PRDM16: variants seen among roughly 807,000 people sequenced by gnomAD.
PRDM16 encodes PR/SET domain 16, also known as histone-lysine N-methyltransferase PRDM16.
PRDM16 carries 23 observed loss-of-function variants against 110.6 expected under a neutral mutation model. The ratio of observed to expected loss-of-function variants is 0.21; its 90% CI spans 0.15 to 0.29. The LOEUF (loss-of-function observed/expected upper bound fraction) is 0.29. Among genes scored for constraint, PRDM16 ranks in the 10% least tolerant of loss-of-function variants. PRDM16 has a pLI of 1.00. For missense variants in PRDM16, 1,615 were observed against 1,794.3 expected (o/e 0.90, Z 1.81); for synonymous variants, 799 against 781.8 (o/e 1.02, Z -0.37).
At chr1:3,146,912 G>A (rs1643676863) in intron 1 of PRDM16, among the ~76,000 whole-genome samples, 2 of 48,954 alleles carry the variant, frequency 4.1e-5, no homozygotes, top group African/African-American at 3.2e-4. Context: ...TGTGCTCAGT[G>A]TGGGGGGGTG....
Position 3,186,347 on chromosome 1 carries a change from G to T in PRDM16, c.260G>T (p.Arg87Leu), listed in dbSNP as rs764659440. The stretch of plus-strand genomic sequence containing the variant: ...CCGATCCCAGCAGACTTCGAGCTCC[G>T]AGAGTCCTCCATCCCAGGGGCTGGC... ...DIPIPADFEL[R>L]ESSIPGAGLG... Residue 87 changes from arginine (R) to leucine (L), a missense_variant, in exon 2 of 17, where the codon CGA becomes CTA. By Grantham distance (102) the Arg-to-Leu change is moderately radical. Transcript: ENST00000270722. The T allele has an allele frequency of 2.5e-6, 4 of 1,612,232 alleles. No homozygotes were observed. In the African/African-American group the frequency reaches 5.3e-5, roughly 22 times the overall value.
intron 2 of PRDM16, among the ~76,000 whole-genome samples, chr1:3,240,108 G>GGAGAA (rs1183893816): frequency 1.4e-5 from 2 of 141,254 alleles, no homozygotes; most frequent in South Asian, 2.3e-4. Flanking sequence ...GAGGAGAGGA[G>GGAGAA]GAGAAGAGAA....
chr1:3,226,186 G>A (rs796238129), intron 2 of PRDM16, among the ~76,000 whole-genome samples: 25 of 152,340 alleles, frequency 1.6e-4, no homozygotes, highest in African/African-American at 6.0e-4. Context: ...GCTAAGAGCT[G>A]CCAAGAAGCA....
At chr1:3,128,923 C>T (rs924945832) in intron 1 of PRDM16, among the ~76,000 whole-genome samples, 1 of 152,206 alleles carries the variant, frequency 6.6e-6, no homozygotes, top group Non-Finnish European at 1.5e-5. Flanking sequence ...CAGCCGTGGC[C>T]GGCAGCCTTG....
intron 14 of PRDM16, among the ~76,000 whole-genome samples, chr1:3,428,221 G>A (rs1206099439): frequency 1.4e-5 from 2 of 147,652 alleles, no homozygotes; most frequent in African/African-American, 2.6e-5. Flanking sequence ...CAGCCCGGCC[G>A]CACTGCAGGA....
At chr1:3,334,844 C>T (rs1294320193) in intron 3 of PRDM16, among the ~76,000 whole-genome samples, 2 of 152,252 alleles carry the variant, frequency 1.3e-5, no homozygotes, top group Non-Finnish European at 2.9e-5. Flanking sequence ...GCACTGCAGG[C>T]ATTTTTAATC....
At chr1:3,122,572 C>T (rs1235306332) in intron 1 of PRDM16, among the ~76,000 whole-genome samples, 6 of 152,154 alleles carry the variant, frequency 3.9e-5, no homozygotes, top group African/African-American at 1.4e-4. Flanking sequence ...ACAAACAAAA[C>T]TCAAGTGCCC....
intron 3 of PRDM16, among the ~76,000 whole-genome samples, chr1:3,283,543 G>A (rs1233601831): frequency 6.6e-6 from 1 of 152,174 alleles, no homozygotes; most frequent in Non-Finnish European, 1.5e-5. Flanking sequence ...CAGACACACA[G>A]AAGAGAGGGG....
At chr1:3,122,134 A>G (rs1443052170) in intron 1 of PRDM16, among the ~76,000 whole-genome samples, 1 of 152,188 alleles carries the variant, frequency 6.6e-6, no homozygotes. Flanking sequence ...TGGCCTGGAC[A>G]CAGACAGCCG....
intron 8 of PRDM16, 152 bp from the exon 9 acceptor site, chr1:3,411,232 C>A (rs1334941156): frequency 4.3e-6 from 3 of 694,706 alleles, no homozygotes; most frequent in African/African-American, 3.6e-5. Context: ...ACATATACAC[C>A]CATGCCCACG....
chr1:3,413,083 A>T (rs1643720815), intron 9 of PRDM16, among the ~76,000 whole-genome samples: 1 of 151,810 alleles, frequency 6.6e-6, no homozygotes, highest in Admixed American at 6.6e-5. Context: ...GACCACTCAG[A>T]CATCACACTG....
At chr1:3,217,371 A>T (rs1029197850) in intron 2 of PRDM16, among the ~76,000 whole-genome samples, 2 of 152,072 alleles carry the variant, frequency 1.3e-5, no homozygotes, top group African/African-American at 2.4e-5. Context: ...GCTGCCCCCC[A>T]GCTCTTCTCG....
At chr1:3,276,438 C>T (rs548868806) in intron 3 of PRDM16, among the ~76,000 whole-genome samples, 1 of 152,356 alleles carries the variant, frequency 6.6e-6, no homozygotes, top group African/African-American at 2.4e-5. Flanking sequence ...TGCTCGTGCC[C>T]GGCCCTGAGC....
In PRDM16 at chr1:3,182,762, G is replaced by C. The variant is rs539670039; in HGVS notation, c.38-3363G>C. 2.8e-4 allele frequency among the ~76,000 whole-genome samples: 43 copies of C among 152,294 alleles called. No individual in the cohort carries two copies. In the South Asian group the frequency reaches 6.2e-3, roughly 22 times the overall value. On this transcript the variant is annotated intron_variant, in intron 1 of 16. Transcript: ENST00000270722. Reference sequence around the variant, plus strand: ...ATGACGATCGCTCATACGTGTGTGTGACAAGACTCAAAGCAGGGCCTCTCC... The same window carrying C: ...ATGACGATCGCTCATACGTGTGTGTCACAAGACTCAAAGCAGGGCCTCTCC...
At chr1:3,427,248 C>A (rs1638637135) in intron 14 of PRDM16, among the ~76,000 whole-genome samples, 1 of 152,222 alleles carries the variant, frequency 6.6e-6, no homozygotes, top group Non-Finnish European at 1.5e-5. Flanking sequence ...GGGGCTGCTT[C>A]CTTTGTGAAA....
chr1:3,129,062 G>C (rs1643274924), intron 1 of PRDM16, among the ~76,000 whole-genome samples: 2 of 152,178 alleles, frequency 1.3e-5, no homozygotes, highest in Admixed American at 1.3e-4. Flanking sequence ...GTGTGTGTGG[G>C]GGGTTGCGTG....
chr1:3,070,603 C>A (rs932097816), intron 1 of PRDM16, among the ~76,000 whole-genome samples: 1 of 151,076 alleles, frequency 6.6e-6, no homozygotes, highest in African/African-American at 2.4e-5. Flanking sequence ...CCGACCCACG[C>A]CGTTCCGTCC....
chr1:3,082,563 G>T (rs1010964119), intron 1 of PRDM16, among the ~76,000 whole-genome samples: 10 of 152,352 alleles, frequency 6.6e-5, no homozygotes, highest in East Asian at 1.9e-4. Context: ...GAGGCTGGGG[G>T]TGCAGCTCCG....
At position 3,350,003 on chromosome 1, in the gene PRDM16, T is replaced by C. The variant is rs1446790838; in HGVS notation, c.439-35149T>C. Among the ~76,000 whole-genome samples, 1 of 151,968 alleles carries C rather than the reference T, an allele frequency of 6.6e-6. No homozygotes were observed. Among genetic ancestry groups the C allele is most frequent in the East Asian group, 1.9e-4 (1 of 5,156 alleles). On this transcript the variant is annotated intron_variant, in intron 3 of 16. Coordinates refer to ENST00000270722, the MANE Select transcript of PRDM16 (RefSeq NM_022114.4). The surrounding 1 kb of genome is among the most constrained non-coding windows in gnomAD (Gnocchi z 7.1). The stretch of plus-strand genomic sequence containing the variant: ...CTGGAGGAGACAGCAGTCAGAGGCC[T>C]GGACCTGACTCCTGTCTTTGAGGGG...
Sources: allele counts gnomAD v4.1 joint callset (sites outside exome capture counted in the v4.1 genomes callset), GRCh38; gene constraint gnomAD v4.1.1; non-coding constraint Gnocchi (gnomAD v3.1); transcripts MANE v1.5; gene names NCBI Gene and HGNC (gene_info 2026-07-23, HGNC 2026-07-21).